Variants in LAMA2 observed in about 807,000 individuals in gnomAD.
LAMA2 encodes the protein laminin subunit alpha-2.
LAMA2 carries 269 observed loss-of-function variants against 364.8 expected under a neutral mutation model. That is an observed-to-expected ratio of 0.74 (90% CI 0.67 to 0.82). The LOEUF (loss-of-function observed/expected upper bound fraction) is 0.82, where lower values mean the gene tolerates loss of function less well. Among genes scored for constraint, LAMA2 ranks in the 40% least tolerant of loss-of-function variants. The pLI is 0.00. For missense variants in LAMA2, 3,807 were observed against 3,873.2 expected (o/e 0.98, Z 0.45); for synonymous variants, 1,379 against 1,370.6 (o/e 1.01, Z -0.14).
chr6:128,983,183 G>A (rs544547260), intron 1 of LAMA2, among the ~76,000 whole-genome samples: 22 of 152,010 alleles, frequency 1.4e-4, no homozygotes, highest in East Asian at 5.8e-4. Context: ...CTGAGGAATC[G>A]CCACACTGAC....
At chr6:129,370,045 G>T in intron 34 of LAMA2, 55 bp downstream of exon 34, 1 of 1,394,710 alleles carries the variant, frequency 7.2e-7, no homozygotes, top group Non-Finnish European at 1.0e-6. Flanking sequence ...GTCAATGAAG[G>T]AAAATTACTT....
At chr6:129,130,605 G>C (rs1376666343) in intron 4 of LAMA2, among the ~76,000 whole-genome samples, 1 of 152,210 alleles carries the variant, frequency 6.6e-6, no homozygotes, top group Non-Finnish European at 1.5e-5. Context: ...CCTGAGATAG[G>C]AGAGAAAGGG....
intron 58 of LAMA2, among the ~76,000 whole-genome samples, chr6:129,496,486 A>G (rs1395074930): frequency 1.3e-5 from 2 of 152,090 alleles, no homozygotes; most frequent in Non-Finnish European, 2.9e-5. Flanking sequence ...TCTTTTGCAC[A>G]TTATAATTAG....
chr6:129,353,329 G>T lies in LAMA2; in HGVS notation c.4689G>T (p.Trp1563Cys). Reference sequence around the variant, plus strand: ...GGAAGTGTGACGGCTGCAAGCACTGGCATGCACGCGAGGGCTGGGAGTGTG... The same window carrying T: ...GGAAGTGTGACGGCTGCAAGCACTGTCATGCACGCGAGGGCTGGGAGTGTG... ...TGRKCDGCKH[W>C]HAREGWECVF... is the part of the protein sequence containing the mutation. The change falls in exon 32 of 65, where the codon TGG becomes TGT. Residue 1563 changes from tryptophan to cysteine, a missense_variant. By Grantham distance (215) the Trp-to-Cys change is radical. Coordinates refer to ENST00000421865, the MANE Select transcript of LAMA2 (RefSeq NM_000426.4). The T allele has an allele frequency of 1.2e-6, 2 of 1,614,058 alleles. No individual in the cohort carries two copies. Among genetic ancestry groups the T allele is most frequent in the South Asian group, 2.2e-5 (2 of 91,068 alleles).
intron 40 of LAMA2, among the ~76,000 whole-genome samples, chr6:129,415,716 C>T (rs1780750692): frequency 6.6e-6 from 1 of 152,022 alleles, no homozygotes; most frequent in African/African-American, 2.4e-5. Flanking sequence ...CATGGTGACA[C>T]ATGCCTGTAA....
At chr6:129,447,102 A>G (rs1782423398) in intron 45 of LAMA2, among the ~76,000 whole-genome samples, 1 of 152,234 alleles carries the variant, frequency 6.6e-6, no homozygotes, top group Admixed American at 6.5e-5. Flanking sequence ...GCCAACATGG[A>G]AAAAGCCTCT....
intron 1 of LAMA2, among the ~76,000 whole-genome samples, chr6:129,009,674 G>A (rs962035484): frequency 6.6e-6 from 1 of 152,180 alleles, no homozygotes; most frequent in Non-Finnish European, 1.5e-5. Context: ...GATTGCAAAT[G>A]AGCACTTTTT....
intron 1 of LAMA2, among the ~76,000 whole-genome samples, chr6:129,025,093 C>T (rs1262682802): frequency 6.6e-6 from 1 of 152,156 alleles, no homozygotes; most frequent in African/African-American, 2.4e-5. Flanking sequence ...TTTCCCATTA[C>T]ACATTATAAG....
chr6:129,110,882 C>T (rs1562247392), intron 4 of LAMA2, among the ~76,000 whole-genome samples: 2 of 151,722 alleles, frequency 1.3e-5, no homozygotes, highest in African/African-American at 4.8e-5. Context: ...TCCACCATCT[C>T]TACTCGGAAA....
chr6:128,993,787 C>T (rs1783755733), intron 1 of LAMA2, among the ~76,000 whole-genome samples: 1 of 152,140 alleles, frequency 6.6e-6, no homozygotes, highest in African/African-American at 2.4e-5. Flanking sequence ...CCACCTGGTT[C>T]TTCTCATTTA....
At chr6:129,342,578 AG>A in intron 30 of LAMA2, 111 bp downstream of exon 30, 1 of 1,000,130 alleles carries the variant, frequency 1.0e-6, no homozygotes, top group Non-Finnish European at 1.5e-6. Flanking sequence ...TCTCAATTTA[AG>A]ATAGAGATAT....
chr6:129,437,029 G>A (rs1283777225), intron 41 of LAMA2: 1 of 152,062 alleles, frequency 6.6e-6, no homozygotes, highest in Non-Finnish European at 1.5e-5. Context: ...CAACAAAGGA[G>A]AAAATGAGAG....
At chr6:129,078,993 A>C (rs1329378975) in intron 3 of LAMA2, among the ~76,000 whole-genome samples, 1 of 152,206 alleles carries the variant, frequency 6.6e-6, no homozygotes, top group Non-Finnish European at 1.5e-5. Context: ...TTAAGGCTGA[A>C]TAATATTCCA....
chr6:129,090,070 ATAT>A (rs1166157204), intron 3 of LAMA2, among the ~76,000 whole-genome samples: 1 of 152,218 alleles, frequency 6.6e-6, no homozygotes, highest in African/African-American at 2.4e-5. Flanking sequence ...AGTAGTAGTA[ATAT>A]TATTATGTGA....
chr6:129,423,611 G>C (rs149049758), intron 40 of LAMA2, among the ~76,000 whole-genome samples: 5 of 151,994 alleles, frequency 3.3e-5, no homozygotes, highest in Non-Finnish European at 7.4e-5. Flanking sequence ...GCTTACCAAT[G>C]TTATAAGGTA....
rs1483976511 is a variant in LAMA2 at position 129,445,721 on chromosome 6, T to C, written c.6329T>C (p.Ile2110Thr). The C allele has an allele frequency of 6.2e-6, 10 of 1,613,868 alleles. No homozygotes were observed. The highest frequency in any genetic ancestry group is 8.5e-6 in the Non-Finnish European group (10 of 1,179,846). The change falls in exon 45 of 65, where the codon ATA (isoleucine) becomes ACA (threonine). Residue 2110 changes from isoleucine to threonine, a missense_variant. Ile to Thr is a moderately conservative substitution (Grantham distance 89, BLOSUM62 -1). Coordinates refer to ENST00000421865, the MANE Select transcript of LAMA2 (RefSeq NM_000426.4). ...KNLEQEADRL[I>T]DKLKPIKELE... Reference sequence around the variant, plus strand: ...TTAGAACAGGAAGCTGACCGGCTAATAGATAAACTCAAACCCATCAAGGAA... The same window carrying C: ...TTAGAACAGGAAGCTGACCGGCTAACAGATAAACTCAAACCCATCAAGGAA...
In LAMA2 at chr6:128,883,287, C is replaced by T. The variant is rs1324008369; in HGVS notation, c.42C>T (p.Ser14=). ...AAGVLLLLLL[S]GGLGGVQAQR... ...GGGTCCTCCTCCTTCTGCTGCTCTC[C>T]GGAGGCCTCGGGGGCGTACAGGCGC... The change falls in exon 1 of 65, where the codon TCC becomes TCT. Residue 14 remains serine (S), a synonymous_variant. Transcript: ENST00000421865. The T allele has an allele frequency of 6.3e-7, 1 of 1,579,022 alleles. No individual in the cohort carries two copies. Among genetic ancestry groups the T allele is most frequent in the Non-Finnish European group, 8.6e-7 (1 of 1,162,296 alleles).
chr6:129,248,475 A>G (rs1403495206), intron 12 of LAMA2, among the ~76,000 whole-genome samples: 1 of 152,198 alleles, frequency 6.6e-6, no homozygotes, highest in Non-Finnish European at 1.5e-5. Context: ...TTAATTCAAA[A>G]TGTATTTTAT....
intron 17 of LAMA2, among the ~76,000 whole-genome samples, chr6:129,272,882 G>A (rs1020368689): frequency 1.3e-5 from 2 of 152,112 alleles, no homozygotes; most frequent in Admixed American, 6.6e-5. Context: ...ATGATCTGAC[G>A]TGGAACAGTT....
Sources: gnomAD v4.1 joint callset for allele counts (sites outside exome capture counted in the v4.1 genomes callset) on GRCh38, gnomAD v4.1.1 for gene constraint, MANE v1.5 for transcripts, NCBI Gene and HGNC (gene_info 2026-07-23, HGNC 2026-07-21) for gene names.